SLC39A11: variants seen among roughly 807,000 people sequenced by gnomAD.
SLC39A11 encodes the protein solute carrier family 39 member 11.
Under a neutral mutation model 36.1 loss-of-function variants are expected in SLC39A11, and 33 were observed. The ratio of observed to expected loss-of-function variants is 0.91; its 90% CI spans 0.69 to 1.22. The LOEUF is 1.22. SLC39A11 is among the 50% of genes most tolerant of loss of function. The pLI is 0.00. For missense variants in SLC39A11, 432 were observed against 430.3 expected (o/e 1.00, Z -0.03); for synonymous variants, 166 against 170.3 (o/e 0.97, Z 0.20).
At chr17:73,059,850 T>TA (rs1321754131) in intron 3 of SLC39A11, among the ~76,000 whole-genome samples, 3 of 151,814 alleles carry the variant, frequency 2.0e-5, no homozygotes, top group East Asian at 1.9e-4. Context: ...ATAGGATAAA[T>TA]AAAAAACTGA....
At chr17:72,659,845 C>T (rs1219964786) in intron 7 of SLC39A11, among the ~76,000 whole-genome samples, 1 of 152,086 alleles carries the variant, frequency 6.6e-6, no homozygotes, top group African/African-American at 2.4e-5. Flanking sequence ...AGGCAATCTG[C>T]CCGCCTCAGG....
chr17:72,843,265 C>G (rs2078900110), intron 6 of SLC39A11, among the ~76,000 whole-genome samples: 3 of 152,062 alleles, frequency 2.0e-5, no homozygotes, highest in Non-Finnish European at 4.4e-5. Context: ...GGGGTTCTTT[C>G]CTGTTCTAGG....
At chr17:73,031,220 T>A (rs899262192) in intron 4 of SLC39A11, among the ~76,000 whole-genome samples, 3 of 136,100 alleles carry the variant, frequency 2.2e-5, no homozygotes, top group African/African-American at 1.0e-4. Context: ...CCTGATGATG[T>A]CATACTCTCA....
intron 6 of SLC39A11, among the ~76,000 whole-genome samples, chr17:72,779,870 T>C (rs978804288): frequency 6.6e-6 from 1 of 152,174 alleles, no homozygotes; most frequent in Admixed American, 6.5e-5. Flanking sequence ...TCTTGGTCTC[T>C]TCTGGCAACT....
At chr17:72,783,995 G>A (rs1026289490) in intron 6 of SLC39A11, among the ~76,000 whole-genome samples, 16 of 152,130 alleles carry the variant, frequency 1.1e-4, no homozygotes, top group African/African-American at 3.9e-4. Context: ...ACTGGAGGAT[G>A]TGGGGGTAAC....
intron 7 of SLC39A11, among the ~76,000 whole-genome samples, chr17:72,704,872 T>C (rs1418949503): frequency 6.6e-6 from 1 of 152,192 alleles, no homozygotes. Context: ...CAAGTTGGTC[T>C]ATTAGGATTC....
chr17:72,801,011 G>A (rs779965520), intron 6 of SLC39A11, among the ~76,000 whole-genome samples: 23 of 152,174 alleles, frequency 1.5e-4, no homozygotes, highest in Non-Finnish European at 2.9e-4. Context: ...CTACAACACA[G>A]GTACGTCTTG....
At chr17:72,966,903 G>A (rs2087026944) in intron 4 of SLC39A11, among the ~76,000 whole-genome samples, 1 of 152,144 alleles carries the variant, frequency 6.6e-6, no homozygotes, top group Non-Finnish European at 1.5e-5. Context: ...CCCCACTGCT[G>A]GAATTACTGC....
At chr17:72,890,210 A>C (rs1023161222) in intron 5 of SLC39A11, among the ~76,000 whole-genome samples, 1 of 151,744 alleles carries the variant, frequency 6.6e-6, no homozygotes, top group Admixed American at 6.6e-5. Context: ...GGTTACAGTG[A>C]GCCGAGATAG....
chr17:72,768,816 A>G (rs113008574), intron 6 of SLC39A11, among the ~76,000 whole-genome samples: 2,653 of 152,054 alleles, frequency 0.017, 76 homozygotes, highest in African/African-American at 0.06. Flanking sequence ...GCTGGAGTGC[A>G]GTGGTGTGAT....
intron 6 of SLC39A11, among the ~76,000 whole-genome samples, chr17:72,787,900 C>G (rs1223790433): frequency 6.6e-6 from 1 of 152,148 alleles, no homozygotes; most frequent in Non-Finnish European, 1.5e-5. Context: ...TTATTTTGAG[C>G]TCTCATAGCA....
chr17:72,868,329 C>G (rs1204099626), intron 5 of SLC39A11, among the ~76,000 whole-genome samples: 1 of 151,658 alleles, frequency 6.6e-6, no homozygotes, highest in East Asian at 1.9e-4. Flanking sequence ...TAACTTTAAC[C>G]TTAATATTCA....
intron 5 of SLC39A11, among the ~76,000 whole-genome samples, chr17:72,922,834 G>C (rs2083753172): frequency 6.6e-6 from 1 of 151,630 alleles, no homozygotes; most frequent in African/African-American, 2.4e-5. Context: ...CAGGTGTGGT[G>C]GTGCACACCT....
chr17:73,014,326 C>T (rs2090693036), intron 4 of SLC39A11, among the ~76,000 whole-genome samples: 1 of 152,146 alleles, frequency 6.6e-6, no homozygotes, highest in Admixed American at 6.6e-5. Flanking sequence ...ATTAACCCAT[C>T]AGATCTGTCC....
At chr17:72,714,317 C>T (rs904046055) in intron 7 of SLC39A11, among the ~76,000 whole-genome samples, 10 of 152,034 alleles carry the variant, frequency 6.6e-5, no homozygotes, top group African/African-American at 2.4e-4. Flanking sequence ...GATCACGCCA[C>T]TGCACTCCAG....
At chr17:72,944,597 T>G (rs2085315493) in intron 5 of SLC39A11, among the ~76,000 whole-genome samples, 1 of 152,156 alleles carries the variant, frequency 6.6e-6, no homozygotes, top group Admixed American at 6.5e-5. Context: ...CGTGAGTCCT[T>G]TGGTACTCAT....
intron 6 of SLC39A11, among the ~76,000 whole-genome samples, chr17:72,825,340 G>C (rs1252523937): frequency 6.6e-6 from 1 of 152,216 alleles, no homozygotes; most frequent in East Asian, 1.9e-4. Flanking sequence ...TGTTCAGAAG[G>C]CAAGAGCTGA....
chr17:72,867,760 G>A lies in SLC39A11; in HGVS notation c.431-17956C>T, dbSNP rs4605237. On this transcript the variant is annotated intron_variant, in intron 5 of 9. Coordinates refer to ENST00000255559, the MANE Select transcript of SLC39A11 (RefSeq NM_139177.4). ...CTGGTGTGTTGAATGAAGTGCGCGC[G>A]CACACACACACACACACACACACAC... 5.7e-3 allele frequency among the ~76,000 whole-genome samples: 457 copies of A among 80,532 alleles called. 4 individuals are homozygous for A. The highest frequency in any genetic ancestry group is 0.018 in the South Asian group (43 of 2,350). The allele number at this position is 80,532 out of a possible 152,430, so 52.8% of individuals were successfully genotyped here.
In SLC39A11 at chr17:72,675,038, A is replaced by G. The variant is rs185463336; in HGVS notation, c.672-25770T>C. Among the ~76,000 whole-genome samples, 12 of 152,188 alleles carry G rather than the reference A, an allele frequency of 7.9e-5. No homozygotes were observed. The East Asian group carries it at 2.1e-3, about 27-fold the overall frequency. On this transcript the variant is annotated intron_variant, in intron 7 of 9. Coordinates refer to ENST00000255559, the MANE Select transcript of SLC39A11 (RefSeq NM_139177.4). ...AGACAGAAAGAGAGAGAGAAAGTTT[A>G]TCCATCTATCTGAGAGAACAACTGC...
Sources: gnomAD v4.1 joint callset for allele counts (sites outside exome capture counted in the v4.1 genomes callset) on GRCh38, gnomAD v4.1.1 for gene constraint, MANE v1.5 for transcripts, NCBI Gene and HGNC (gene_info 2026-07-23, HGNC 2026-07-21) for gene names.